ZNF469: variants seen among roughly 807,000 people sequenced by gnomAD.
ZNF469 encodes the protein zinc finger protein 469.
In ZNF469, 1 loss-of-function variant was observed where a neutral mutation model predicts 1.0. The ratio of observed to expected loss-of-function variants is 1.00; its 90% confidence interval spans 0.35 to 4.73. The LOEUF is 4.73. ZNF469 is among the 30% of genes most tolerant of loss of function. The pLI is 0.16. For missense variants in ZNF469, 6,100 were observed against 5,356.3 expected (o/e 1.14, Z -4.33); for synonymous variants, 2,703 against 2,363.4 (o/e 1.14, Z -4.17).
the ZNF469 span, among the ~76,000 whole-genome samples, chr16:88,135,834 C>T: frequency 7.0e-6 from 1 of 142,320 alleles, no homozygotes; most frequent in Non-Finnish European, 1.5e-5. Flanking sequence ...GATCTCGGCT[C>T]ACTGCAACCT....
At chr16:88,277,185 G>A in the ZNF469 span, among the ~76,000 whole-genome samples, 1 of 151,328 alleles carries the variant, frequency 6.6e-6, no homozygotes, top group Non-Finnish European at 1.5e-5. Context: ...CCGACGCTCA[G>A]TCAGTACCGT....
At chr16:88,396,025 T>G (rs1380616622) in intron 1 of ZNF469, among the ~76,000 whole-genome samples, 1 of 152,370 alleles carries the variant, frequency 6.6e-6, no homozygotes, top group East Asian at 1.9e-4. Context: ...AGTTTAGGTC[T>G]GAGGGCGGAC....
chr16:88,292,432 A>T, the ZNF469 span, among the ~76,000 whole-genome samples: 1 of 152,114 alleles, frequency 6.6e-6, no homozygotes, highest in South Asian at 2.1e-4. Context: ...CCTCCCATCT[A>T]TGAATTGAGA....
the ZNF469 span, among the ~76,000 whole-genome samples, chr16:88,121,276 T>G: frequency 5.3e-5 from 8 of 151,584 alleles, no homozygotes; most frequent in African/African-American, 1.7e-4. Flanking sequence ...CTCCTTACAC[T>G]GACTTTGGTC....
At chr16:88,272,938 A>G in the ZNF469 span, among the ~76,000 whole-genome samples, 4 of 140,076 alleles carry the variant, frequency 2.9e-5, no homozygotes, top group African/African-American at 8.2e-5. Flanking sequence ...GAGTGGACGG[A>G]TGGATGAACG....
the ZNF469 span, among the ~76,000 whole-genome samples, chr16:88,119,296 T>A: frequency 3.9e-5 from 6 of 152,208 alleles, no homozygotes; most frequent in Non-Finnish European, 7.4e-5. Context: ...TTTATCTCCC[T>A]CCCTCGCTTC....
the ZNF469 span, among the ~76,000 whole-genome samples, chr16:88,217,485 C>A: frequency 1.6e-3 from 247 of 151,012 alleles, no homozygotes; most frequent in Non-Finnish European, 2.9e-3. Context: ...TACATGTGCA[C>A]ATTGTGCAGG....
the ZNF469 span, among the ~76,000 whole-genome samples, chr16:88,150,614 C>T: frequency 2.0e-5 from 3 of 152,112 alleles, no homozygotes; most frequent in East Asian, 1.9e-4. Flanking sequence ...GCCCTTCAGG[C>T]GACTGGCTGC....
the ZNF469 span, among the ~76,000 whole-genome samples, chr16:88,305,626 A>G: frequency 2.0e-5 from 3 of 149,778 alleles, no homozygotes; most frequent in Non-Finnish European, 4.5e-5. Flanking sequence ...CCTCACGTGC[A>G]CACACATTCT....
chr16:88,273,047 C>T, the ZNF469 span, among the ~76,000 whole-genome samples: 3 of 149,702 alleles, frequency 2.0e-5, no homozygotes, highest in Non-Finnish European at 2.9e-5. Flanking sequence ...TGTGGATAGA[C>T]GAGTGGATAG....
At chr16:88,326,957 C>T in the ZNF469 span, among the ~76,000 whole-genome samples, 31,513 of 152,206 alleles carry the variant, frequency 0.21, 4,197 homozygotes, top group Middle Eastern at 0.36. Flanking sequence ...CTGTCTCCCT[C>T]CCCGTCGCTC....
At chr16:88,198,332 A>C in the ZNF469 span, among the ~76,000 whole-genome samples, 1 of 152,168 alleles carries the variant, frequency 6.6e-6, no homozygotes, top group South Asian at 2.1e-4. Context: ...CAGGGGCCTG[A>C]GGGACGTGGG....
the ZNF469 span, among the ~76,000 whole-genome samples, chr16:88,355,494 G>A: frequency 7.9e-5 from 12 of 152,346 alleles, no homozygotes; most frequent in Admixed American, 2.0e-4. Context: ...TGAGCGTGGC[G>A]TCGGTGACCC....
chr16:88,438,363 C>A lies in ZNF469; in HGVS notation c.10893C>A (p.Gly3631=). The A allele has an allele frequency of 6.5e-7, 1 of 1,550,226 alleles. No individual in the cohort carries two copies. Among genetic ancestry groups the A allele is most frequent in the South Asian group, 1.2e-5 (1 of 84,060 alleles). The change falls in exon 3 of 3, where the codon GGC becomes GGA. Residue 3631 remains glycine, a synonymous_variant. Coordinates refer to ENST00000565624, the MANE Select transcript of ZNF469 (RefSeq NM_001367624.2). Reference sequence around the variant, plus strand: ...AACGCAGGGCCCCGGGTGCCCGTGGCAGGTGTGCCCCTGACCATTTCCAGG... The same window carrying A: ...AACGCAGGGCCCCGGGTGCCCGTGGAAGGTGTGCCCCTGACCATTTCCAGG... The part of the protein sequence containing the change: ...SGKRRAPGAR[G]RCAPDHFQED...
At position 88,436,787 on chromosome 16, in the gene ZNF469, G is replaced by C. The variant is rs1362053822; in HGVS notation, c.9317G>C (p.Arg3106Pro). The change falls in exon 3 of 3, where the codon CGG (arginine) becomes CCG (proline). Residue 3106 changes from arginine (R) to proline (P), a missense_variant. Coordinates refer to ENST00000565624, the MANE Select transcript of ZNF469 (RefSeq NM_001367624.2). ...AGAGRAQGRG[R>P]PAKGRRASYK... ...GCAGGGAGGGCCCAAGGCAGAGGCC[G>C]GCCGGCCAAGGGCAGGCGGGCCTCC... is the stretch of plus-strand genomic sequence containing the variant. 7.1e-6 allele frequency: 11 copies of C among 1,544,388 alleles called. No individual in the cohort carries two copies. The highest frequency in any genetic ancestry group is 8.7e-6 in the Non-Finnish European group (10 of 1,146,162).
the ZNF469 span, among the ~76,000 whole-genome samples, chr16:88,223,653 G>GT: frequency 3.3e-5 from 5 of 152,308 alleles, no homozygotes; most frequent in South Asian, 8.3e-4. Flanking sequence ...TGCCTGGTGC[G>GT]TGGGGCGTCC....
chr16:88,282,202 C>G, the ZNF469 span, among the ~76,000 whole-genome samples: 1 of 152,150 alleles, frequency 6.6e-6, no homozygotes, highest in Non-Finnish European at 1.5e-5. Flanking sequence ...CAGCCAGGCT[C>G]AAGGCATTTG....
chr16:88,432,159 G>A lies in ZNF469; in HGVS notation c.4689G>A (p.Glu1563=). 1 of 1,550,390 alleles carries A rather than the reference G, an allele frequency of 6.4e-7. No homozygotes were observed. Among genetic ancestry groups the A allele is most frequent in the South Asian group, 1.2e-5 (1 of 84,056 alleles). Reference sequence around the variant, plus strand: ...GTCACCTGTCCGAGGATGAACTGGAGATCCAGAAATTGGTCACCGAATTAG... The same window carrying A: ...GTCACCTGTCCGAGGATGAACTGGAAATCCAGAAATTGGTCACCGAATTAG... ...LMSHLSEDEL[E]IQKLVTELES... The change falls in exon 3 of 3, where the codon GAG becomes GAA. Residue 1563 remains glutamate (E), a synonymous_variant. Transcript: ENST00000565624.
chr16:88,241,090 C>T, the ZNF469 span, among the ~76,000 whole-genome samples: 9 of 152,132 alleles, frequency 5.9e-5, no homozygotes, highest in South Asian at 4.1e-4. The surrounding 1 kb of genome is among the most constrained non-coding windows in gnomAD (Gnocchi z 4.8). Flanking sequence ...ATTGTTAGGC[C>T]GGGCGCAGTG....
Sources: allele counts gnomAD v4.1 joint callset (sites outside exome capture counted in the v4.1 genomes callset), GRCh38; gene constraint gnomAD v4.1.1; non-coding constraint Gnocchi (gnomAD v3.1); transcripts MANE v1.5; gene names NCBI Gene and HGNC (gene_info 2026-07-23, HGNC 2026-07-21).